KRABD5: variants seen among roughly 807,000 people sequenced by gnomAD.
The protein encoded by KRABD5 is KRAB domain containing 5, also known as KRAB domain-containing protein 5.
At chr16:31,730,228 A>C in the KRABD5 span, among the ~76,000 whole-genome samples, 10 of 151,032 alleles carry the variant, frequency 6.6e-5, no homozygotes, top group South Asian at 2.1e-4. Flanking sequence ...AATTCCTTTA[A>C]TTTTTTTTTT....
the KRABD5 span, among the ~76,000 whole-genome samples, chr16:31,744,605 C>G: frequency 2.0e-5 from 3 of 152,072 alleles, 1 homozygote; most frequent in South Asian, 2.1e-4. Context: ...GTCTCTCTTC[C>G]CAGTTTTGGT....
the KRABD5 span, among the ~76,000 whole-genome samples, chr16:31,731,213 T>C: frequency 1.3e-5 from 2 of 152,192 alleles, no homozygotes; most frequent in Admixed American, 6.5e-5. Flanking sequence ...TTTCAGATCC[T>C]GAGCTGATGA....
the KRABD5 span, among the ~76,000 whole-genome samples, chr16:31,721,409 TG>T: frequency 5.9e-5 from 9 of 152,042 alleles, no homozygotes; most frequent in Admixed American, 4.6e-4. Flanking sequence ...CATATTGGCC[TG>T]TATGTCCCTT....
At chr16:31,751,284 C>T in the KRABD5 span, among the ~76,000 whole-genome samples, 1 of 152,114 alleles carries the variant, frequency 6.6e-6, no homozygotes, top group East Asian at 1.9e-4. Context: ...ATTTTGGTAA[C>T]AGAGTGATGT....
chr16:31,730,397 G>T, the KRABD5 span, among the ~76,000 whole-genome samples: 1 of 151,926 alleles, frequency 6.6e-6, no homozygotes, highest in Non-Finnish European at 1.5e-5. Flanking sequence ...GGCCTGTAAG[G>T]TTTCTGCTAA....
At chr16:31,757,358 T>C in the KRABD5 span, 1 of 152,148 alleles carries the variant, frequency 6.6e-6, no homozygotes, top group African/African-American at 2.4e-5. Context: ...TCCCAGTTAC[T>C]CAGGAGGCAA....
the KRABD5 span, chr16:31,755,724 A>C: frequency 1.1e-5 from 4 of 376,594 alleles, no homozygotes; most frequent in Non-Finnish European, 2.1e-5. Flanking sequence ...CTATAGTTGT[A>C]GTAAATGTGA....
chr16:31,722,867 TG>T, the KRABD5 span: 3 of 1,178,488 alleles, frequency 2.5e-6, no homozygotes, highest in South Asian at 4.0e-5. Context: ...TTCAGATTCC[TG>T]TTTCCAGGAA....
the KRABD5 span, among the ~76,000 whole-genome samples, chr16:31,724,398 C>G: frequency 2.0e-5 from 3 of 152,028 alleles, no homozygotes; most frequent in African/African-American, 7.2e-5. Flanking sequence ...CATTAAAGAT[C>G]TACTGTGGGC....
chr16:31,714,329 GT>G, the KRABD5 span: 1 of 455,948 alleles, frequency 2.2e-6, no homozygotes, highest in African/African-American at 2.0e-5. Context: ...TATAAAAACT[GT>G]TTTGAGTGAT....
At chr16:31,747,779 A>C in the KRABD5 span, among the ~76,000 whole-genome samples, 1 of 152,190 alleles carries the variant, frequency 6.6e-6, no homozygotes, top group Non-Finnish European at 1.5e-5. Context: ...TTGGCTGCAT[A>C]AATGTCTTCT....
chr16:31,746,153 G>A, the KRABD5 span, among the ~76,000 whole-genome samples: 29 of 152,028 alleles, frequency 1.9e-4, no homozygotes, highest in Admixed American at 7.9e-4. Flanking sequence ...ATTTGATCCC[G>A]TCATCATGAT....
chr16:31,738,453 C>G, the KRABD5 span, among the ~76,000 whole-genome samples: 1 of 152,118 alleles, frequency 6.6e-6, no homozygotes, highest in African/African-American at 2.4e-5. Flanking sequence ...TTATATAATG[C>G]TCTTTCTTGT....
At chr16:31,713,590 C>G in the KRABD5 span, 2 of 1,167,928 alleles carry the variant, frequency 1.7e-6, no homozygotes, top group Non-Finnish European at 2.4e-6. Context: ...GCGGCCGGGC[C>G]GGCAGCCGGG....
the KRABD5 span, among the ~76,000 whole-genome samples, chr16:31,748,393 C>G: frequency 6.6e-6 from 1 of 152,192 alleles, no homozygotes; most frequent in Non-Finnish European, 1.5e-5. Flanking sequence ...GTTACCGTAG[C>G]CTTGTAGTAT....
the KRABD5 span, among the ~76,000 whole-genome samples, chr16:31,736,621 G>C: frequency 1.3e-5 from 2 of 149,950 alleles, no homozygotes; most frequent in Non-Finnish European, 3.0e-5. Context: ...GGATTCAAAT[G>C]ATTGTCCTGC....
chr16:31,714,553 C>T, the KRABD5 span: 1 of 377,590 alleles, frequency 2.6e-6, no homozygotes, highest in Non-Finnish European at 5.2e-6. Flanking sequence ...AGAAGGCACC[C>T]CACCTCGATG....
chr16:31,744,550 A>G, the KRABD5 span, among the ~76,000 whole-genome samples: 11 of 152,214 alleles, frequency 7.2e-5, no homozygotes, highest in Non-Finnish European at 1.3e-4. Context: ...GGGTTTTCAC[A>G]TCAATGTTCA....
chr16:31,722,370 A>G, the KRABD5 span, among the ~76,000 whole-genome samples: 1 of 152,172 alleles, frequency 6.6e-6, no homozygotes, highest in African/African-American at 2.4e-5. Flanking sequence ...CCCGGCCTCG[A>G]TGCCTTAGTT....
Sources: allele counts gnomAD v4.1 joint callset (sites outside exome capture counted in the v4.1 genomes callset), GRCh38; gene constraint gnomAD v4.1.1; transcripts MANE v1.5; gene names NCBI Gene and HGNC (gene_info 2026-07-23, HGNC 2026-07-21).